ADAMTS6: variants seen among roughly 807,000 people sequenced by gnomAD.
ADAMTS6 encodes ADAM metallopeptidase with thrombospondin type 1 motif 6, also known as A disintegrin and metalloproteinase with thrombospondin motifs 6.
ADAMTS6 carries 23 observed loss-of-function variants against 144.3 expected under a neutral mutation model. The observed-to-expected ratio is 0.16, with a 90% CI of 0.11 to 0.23. The LOEUF is 0.23. ADAMTS6 is among the 10% of genes least tolerant of loss of function. The probability of loss-of-function intolerance (pLI) is 1.00; values close to 1 mark genes in which losing one functional copy is unlikely to be tolerated. For missense variants in ADAMTS6, 999 were observed against 1,379.6 expected, an observed-to-expected ratio of 0.72 and a Z score of 4.37; for synonymous variants, 444 against 457.5, an observed-to-expected ratio of 0.97 and a Z score of 0.38.
At chr5:65,448,965 G>A (rs925495186) in intron 7 of ADAMTS6, among the ~76,000 whole-genome samples, 8 of 152,056 alleles carry the variant, frequency 5.3e-5, no homozygotes, top group African/African-American at 1.4e-4. Context: ...TTAAACACAC[G>A]TTGGATTTCA....
At chr5:65,424,870 T>A (rs1008424871) in intron 7 of ADAMTS6, among the ~76,000 whole-genome samples, 2 of 152,230 alleles carry the variant, frequency 1.3e-5, no homozygotes, top group African/African-American at 4.8e-5. Flanking sequence ...CTAATTTTGA[T>A]TATATTTCAT....
intron 9 of ADAMTS6, among the ~76,000 whole-genome samples, chr5:65,317,193 A>T (rs1745088253): frequency 6.6e-6 from 1 of 152,316 alleles, no homozygotes; most frequent in South Asian, 2.1e-4. Context: ...GAAGTAGACA[A>T]ATCTACATAT....
chr5:65,452,526 A>G (rs1234803422), intron 5 of ADAMTS6, among the ~76,000 whole-genome samples, 181 bp downstream of exon 5: 2 of 152,132 alleles, frequency 1.3e-5, no homozygotes, highest in Admixed American at 1.3e-4. Context: ...ATTATCTAAA[A>G]ATGAATGATA....
intron 3 of ADAMTS6, among the ~76,000 whole-genome samples, chr5:65,468,120 T>A (rs1760165584): frequency 6.6e-6 from 1 of 152,016 alleles, no homozygotes. Flanking sequence ...AAATATGACA[T>A]TATATGAAGC....
At chr5:65,378,389 G>A (rs1751745844) in intron 7 of ADAMTS6, among the ~76,000 whole-genome samples, 1 of 151,618 alleles carries the variant, frequency 6.6e-6, no homozygotes, top group African/African-American at 2.4e-5. Context: ...TATTCTCATG[G>A]TACTAATTCA....
At chr5:65,265,130 T>A (rs1761511431) in intron 12 of ADAMTS6, among the ~76,000 whole-genome samples, 2 of 152,078 alleles carry the variant, frequency 1.3e-5, no homozygotes, top group Non-Finnish European at 2.9e-5. Flanking sequence ...TAACATTTCC[T>A]TGGCTGTAGG....
intron 7 of ADAMTS6, among the ~76,000 whole-genome samples, chr5:65,364,567 T>TC (rs1323486221): frequency 7.5e-5 from 10 of 132,806 alleles, no homozygotes; most frequent in African/African-American, 3.0e-4. Context: ...TTTCTTTCTT[T>TC]TTTTTTTTTT....
chr5:65,466,003 C>A (rs1352646723), intron 3 of ADAMTS6, among the ~76,000 whole-genome samples: 1 of 152,206 alleles, frequency 6.6e-6, no homozygotes. Context: ...GAACTCCAGA[C>A]TGACATATCC....
intron 9 of ADAMTS6, among the ~76,000 whole-genome samples, chr5:65,329,037 C>T (rs975025895): frequency 2.0e-5 from 3 of 151,880 alleles, no homozygotes; most frequent in African/African-American, 4.8e-5. Flanking sequence ...ATGGTAGTGA[C>T]GTCAATGATT....
rs1676152704 is a variant in ADAMTS6 at position 65,150,508 on chromosome 5, T to TA, written c.*1327dup. 2.0e-5 allele frequency: 3 copies of TA among 152,678 alleles called. No homozygotes were observed. The South Asian group carries it at 6.2e-4, about 32-fold the overall frequency. The allele number at this position is 152,678 out of a possible 1,614,324, so 9.5% of individuals were successfully genotyped here. ...TGCCCAAGAAACTGGGTTTCACATT[T>TA]AATTGCCATTCAGAGTATCCATAAA... On this transcript the variant is annotated 3_prime_UTR_variant, in exon 25 of 25. Transcript: ENST00000381055.
At chr5:65,423,461 C>T (rs1370073282) in intron 7 of ADAMTS6, among the ~76,000 whole-genome samples, 3 of 152,100 alleles carry the variant, frequency 2.0e-5, no homozygotes, top group Non-Finnish European at 4.4e-5. Context: ...TTGGATAAAA[C>T]CCAACTAATG....
chr5:65,480,475 C>T (rs1761127885), intron 1 of ADAMTS6, among the ~76,000 whole-genome samples: 1 of 152,076 alleles, frequency 6.6e-6, no homozygotes, highest in Non-Finnish European at 1.5e-5. Context: ...GGCATCTGGC[C>T]CAAACGCGTT....
At chr5:65,463,861 C>T (rs1759804450) in intron 3 of ADAMTS6, among the ~76,000 whole-genome samples, 3 of 152,292 alleles carry the variant, frequency 2.0e-5, no homozygotes, top group East Asian at 1.9e-4. Context: ...TCCTCTGGAA[C>T]GGTGGCTGCT....
At chr5:65,467,631 T>C (rs1760129302) in intron 3 of ADAMTS6, among the ~76,000 whole-genome samples, 1 of 152,194 alleles carries the variant, frequency 6.6e-6, no homozygotes. Flanking sequence ...CCATCCATCA[T>C]TCTTAAGGAA....
chr5:65,237,250 T>C (rs1758738412), intron 15 of ADAMTS6, among the ~76,000 whole-genome samples: 1 of 151,398 alleles, frequency 6.6e-6, no homozygotes, highest in Admixed American at 6.6e-5. Context: ...AAATTAAAAA[T>C]TAATTTGCCC....
Position 65,460,206 on chromosome 5 carries a change from G to A in ADAMTS6, c.595C>T (p.Arg199Ter). Residue 199 changes from arginine to a stop codon, truncating the protein, a stop_gained, in exon 4 of 25, where the codon CGA becomes TGA. Transcript: ENST00000381055. LOFTEE classifies it high-confidence loss of function. ...VIYKKSALQQ[R>*]HLYDHSHCGV... ...CAATGAGAGTGATCATACAGATGTC[G>A]TTGTTGAAGGGCAGACTTTTTGTAA... is the stretch of plus-strand genomic sequence containing the variant. 6.2e-7 allele frequency: 1 copy of A among 1,614,060 alleles called. No individual in the cohort carries two copies.
At chr5:65,463,870 C>CT (rs1316683705) in intron 3 of ADAMTS6, among the ~76,000 whole-genome samples, 1 of 152,208 alleles carries the variant, frequency 6.6e-6, no homozygotes, top group Non-Finnish European at 1.5e-5. Context: ...ACGGTGGCTG[C>CT]TTTGTCTTCT....
At chr5:65,183,958 G>A (rs911472073) in intron 22 of ADAMTS6, among the ~76,000 whole-genome samples, 1 of 152,136 alleles carries the variant, frequency 6.6e-6, no homozygotes, top group African/African-American at 2.4e-5. Context: ...CCTTTAGGTA[G>A]CAGGGTAGAA....
intron 7 of ADAMTS6, among the ~76,000 whole-genome samples, chr5:65,449,785 G>GGC (rs1458002760): frequency 6.6e-6 from 1 of 152,184 alleles, no homozygotes; most frequent in African/African-American, 2.4e-5. Flanking sequence ...ACAGCTGAAT[G>GGC]TTGTAGCCAG....
Sources: gnomAD v4.1 joint callset for allele counts (sites outside exome capture counted in the v4.1 genomes callset) on GRCh38, gnomAD v4.1.1 for gene constraint, MANE v1.5 for transcripts, NCBI Gene and HGNC (gene_info 2026-07-23, HGNC 2026-07-21) for gene names.